Variants in SLIT2 observed in about 807,000 individuals in gnomAD.
SLIT2 encodes the protein slit guidance ligand 2.
In SLIT2, 41 loss-of-function variants were observed where a neutral mutation model predicts 185.7. That is an observed-to-expected ratio of 0.22 (90% CI 0.17 to 0.29). SLIT2 has a LOEUF of 0.29. Ranked by LOEUF, SLIT2 falls within the 10% of genes least tolerant of loss-of-function variation. The pLI is 1.00. For synonymous variants in SLIT2, 693 were observed against 680.2 expected (o/e 1.02, Z -0.29); for missense variants, 1,571 against 1,909.0 (o/e 0.82, Z 3.30).
At chr4:20,370,326 C>T (rs759734125) in intron 4 of SLIT2, among the ~76,000 whole-genome samples, 32 of 152,156 alleles carry the variant, frequency 2.1e-4, no homozygotes, top group Non-Finnish European at 4.0e-4. Flanking sequence ...TTATCTTTTT[C>T]CTTGTCTTTC....
At chr4:20,615,342 A>T (rs577641314) in intron 34 of SLIT2, 1 of 152,302 alleles carries the variant, frequency 6.6e-6, no homozygotes, top group Admixed American at 6.5e-5. Flanking sequence ...AAGAGACTTC[A>T]TTCAATACCT....
chr4:20,272,401 G>T (rs561651575), intron 4 of SLIT2, among the ~76,000 whole-genome samples: 1 of 152,128 alleles, frequency 6.6e-6, no homozygotes. Context: ...TATTTTTAAA[G>T]AAATCTGGAG....
chr4:20,483,675 A>G (rs894059356), intron 6 of SLIT2, among the ~76,000 whole-genome samples: 2 of 152,118 alleles, frequency 1.3e-5, no homozygotes, highest in African/African-American at 4.8e-5. Context: ...AAATCAACAT[A>G]CAAGTGTGAG....
chr4:20,503,784 T>G (rs1473243877), intron 9 of SLIT2, among the ~76,000 whole-genome samples: 5 of 152,154 alleles, frequency 3.3e-5, no homozygotes, highest in African/African-American at 1.2e-4. Context: ...GGAATGTATT[T>G]TAGAATGACA....
intron 4 of SLIT2, among the ~76,000 whole-genome samples, chr4:20,441,068 A>G (rs996006149): frequency 1.1e-4 from 16 of 152,116 alleles, no homozygotes; most frequent in African/African-American, 3.9e-4. Context: ...TCCAAAAAAA[A>G]AAAAAATTCC....
In SLIT2 at chr4:20,533,642, A is replaced by G. The variant is rs753680796; in HGVS notation, c.1759A>G (p.Ile587Val). 2 of 1,612,654 alleles carry G rather than the reference A, an allele frequency of 1.2e-6. No homozygotes were observed. The highest frequency in any genetic ancestry group is 2.2e-5 in the South Asian group (2 of 91,052). The part of the protein sequence containing the change: ...AFEGASGVNE[I>V]LLTSNRLENV... ...TGAAGGAGCATCTGGTGTAAATGAAATACTTCTTACGAGTAATCGTTTGGA... is the reference window on the plus strand; with the variant it reads ...TGAAGGAGCATCTGGTGTAAATGAAGTACTTCTTACGAGTAATCGTTTGGA... The change falls in exon 18 of 37, where the codon ATA becomes GTA. Residue 587 changes from isoleucine to valine, a missense_variant. By Grantham distance (29) the Ile-to-Val change is conservative. Around this residue, in one of 3 missense-constraint regions of SLIT2, gnomAD observed 1,202 missense variants for 1,416.4 expected, o/e 0.85. Transcript: ENST00000504154.
intron 4 of SLIT2, among the ~76,000 whole-genome samples, chr4:20,434,123 A>ACCGAC (rs1373313793): frequency 6.6e-6 from 1 of 152,166 alleles, no homozygotes; most frequent in African/African-American, 2.4e-5. Context: ...GAAGGCAGGT[A>ACCGAC]CCGACCCTAA....
intron 4 of SLIT2, among the ~76,000 whole-genome samples, chr4:20,356,762 C>A (rs926840983): frequency 6.6e-6 from 1 of 152,126 alleles, no homozygotes; most frequent in Admixed American, 6.6e-5. Flanking sequence ...TGTGGCTGCT[C>A]AACTGTGCAA....
At chr4:20,440,524 G>T (rs1354863824) in intron 4 of SLIT2, among the ~76,000 whole-genome samples, 1 of 151,554 alleles carries the variant, frequency 6.6e-6, no homozygotes, top group South Asian at 2.1e-4. Context: ...TGATATATAC[G>T]GCCCTAAAAA....
intron 4 of SLIT2, among the ~76,000 whole-genome samples, chr4:20,403,211 G>GA (rs1371816148): frequency 1.3e-5 from 2 of 151,842 alleles, no homozygotes; most frequent in East Asian, 3.9e-4. Flanking sequence ...GCCATCAAAT[G>GA]AAAAATACAT....
At chr4:20,419,695 G>GTGTGTT (rs1553898846) in intron 4 of SLIT2, among the ~76,000 whole-genome samples, 3 of 151,602 alleles carry the variant, frequency 2.0e-5, no homozygotes, top group African/African-American at 7.3e-5. Flanking sequence ...GTGTGTGTGT[G>GTGTGTT]TGTGTGTGTG....
chr4:20,387,312 TA>T (rs1169711415), intron 4 of SLIT2, among the ~76,000 whole-genome samples: 5 of 152,052 alleles, frequency 3.3e-5, no homozygotes, highest in African/African-American at 1.2e-4. Flanking sequence ...ACTGAAATTA[TA>T]AAAATATTTA....
At chr4:20,610,929 C>A (rs1353602860) in intron 34 of SLIT2, among the ~76,000 whole-genome samples, 4 of 152,050 alleles carry the variant, frequency 2.6e-5, no homozygotes, top group African/African-American at 7.2e-5. Context: ...TCTGTAGGAG[C>A]CCATCGGAGA....
intron 5 of SLIT2, among the ~76,000 whole-genome samples, chr4:20,470,813 T>C (rs1714915109): frequency 6.6e-6 from 1 of 152,138 alleles, no homozygotes; most frequent in Admixed American, 6.5e-5. Context: ...TGACCTCAGA[T>C]GATCCACCCG....
At chr4:20,600,486 G>C (rs374118750) in intron 33 of SLIT2, among the ~76,000 whole-genome samples, 1 of 144,324 alleles carries the variant, frequency 6.9e-6, no homozygotes, top group South Asian at 2.2e-4. Flanking sequence ...GCAGTGGTGC[G>C]ATCTTGGCTC....
Position 20,329,826 on chromosome 4 carries a change from G to A in SLIT2, c.395+60945G>A, listed in dbSNP as rs527674252. Among the ~76,000 whole-genome samples the A allele has an allele frequency of 5.2e-4, 79 of 152,106 alleles. No individual in the cohort carries two copies. In the South Asian group the frequency reaches 0.015, roughly 28 times the overall value. ...GAATAATATGCTAGCATCATAACCAGCCTCACCAGTTGATGATAGTTTTTC... is the reference window on the plus strand; with the variant it reads ...GAATAATATGCTAGCATCATAACCAACCTCACCAGTTGATGATAGTTTTTC... On this transcript the variant is annotated intron_variant, in intron 4 of 36. Coordinates refer to ENST00000504154, the MANE Select transcript of SLIT2 (RefSeq NM_004787.4).
At chr4:20,467,323 G>C (rs972413505) in intron 4 of SLIT2, among the ~76,000 whole-genome samples, 8 of 152,012 alleles carry the variant, frequency 5.3e-5, no homozygotes, top group African/African-American at 1.7e-4. Context: ...ACTCTACTCT[G>C]GGAAATTAAG....
chr4:20,376,053 T>C (rs1458067364), intron 4 of SLIT2, among the ~76,000 whole-genome samples: 2 of 149,524 alleles, frequency 1.3e-5, no homozygotes, highest in Non-Finnish European at 3.0e-5. Flanking sequence ...AAATAACATA[T>C]CTATAAAAGA....
At chr4:20,302,569 A>G (rs372681160) in intron 4 of SLIT2, among the ~76,000 whole-genome samples, 19 of 152,228 alleles carry the variant, frequency 1.2e-4, no homozygotes, top group East Asian at 3.9e-4. Flanking sequence ...TCACTTTGAG[A>G]TAAAGCGTTC....
Sources: gnomAD v4.1 joint callset for allele counts (sites outside exome capture counted in the v4.1 genomes callset) on GRCh38, gnomAD v4.1.1 for gene constraint, gnomAD v4.1.1 regional missense constraint, MANE v1.5 for transcripts, NCBI Gene and HGNC (gene_info 2026-07-23, HGNC 2026-07-21) for gene names.